Variants in GABRB1 observed in about 807,000 individuals in gnomAD.
GABRB1 encodes the protein gamma-aminobutyric acid type A receptor subunit beta1.
In GABRB1, 17 loss-of-function variants were observed where a neutral mutation model predicts 51.6. The observed-to-expected ratio is 0.33, with a 90% confidence interval of 0.23 to 0.49. The LOEUF is 0.49. GABRB1 is among the 20% of genes least tolerant of loss of function. The pLI, the probability that GABRB1 is intolerant of heterozygous loss-of-function variation, is 0.99. For synonymous variants in GABRB1, 247 were observed against 218.9 expected, an observed-to-expected ratio of 1.13 and a Z score of -1.14; for missense variants, 410 against 600.6, an observed-to-expected ratio of 0.68 and a Z score of 3.32.
intron 4 of GABRB1, among the ~76,000 whole-genome samples, chr4:47,288,236 C>CTTATTA (rs1723587643): frequency 6.9e-6 from 1 of 145,724 alleles, no homozygotes; most frequent in African/African-American, 2.6e-5. Context: ...GAGAACAGGG[C>CTTATTA]TTATTACTAT....
chr4:47,060,191 A>G (rs1022172207), intron 3 of GABRB1, among the ~76,000 whole-genome samples: 1 of 152,230 alleles, frequency 6.6e-6, no homozygotes, highest in African/African-American at 2.4e-5. Context: ...GATCTCCAAT[A>G]GTGAACTTTC....
intron 4 of GABRB1, among the ~76,000 whole-genome samples, chr4:47,227,488 T>C (rs1720984712): frequency 1.3e-5 from 2 of 151,682 alleles, no homozygotes; most frequent in African/African-American, 4.8e-5. Context: ...TGTGACAGAG[T>C]GAAGGAGGAA....
chr4:47,416,686 A>G (rs545451721), intron 8 of GABRB1, among the ~76,000 whole-genome samples: 1 of 152,234 alleles, frequency 6.6e-6, no homozygotes, highest in Admixed American at 6.5e-5. Context: ...TCCTGACCAC[A>G]GGTGATCAGG....
chr4:47,018,064 TTCC>T (rs977280440), intron 1 of GABRB1, among the ~76,000 whole-genome samples: 3 of 151,940 alleles, frequency 2.0e-5, no homozygotes, highest in South Asian at 2.1e-4. Flanking sequence ...CCTCCTCTTC[TTCC>T]TCCTCCTCCT....
In GABRB1 at chr4:47,334,753, C is replaced by T. The variant is rs192356073; in HGVS notation, c.544+14544C>T. On this transcript the variant is annotated intron_variant, in intron 5 of 8. Transcript: ENST00000295454. The stretch of plus-strand genomic sequence containing the variant: ...TCATTCTGGAGAGCACAAGTTTTCC[C>T]GACTTTATTTAAACTATTCTTGATG... Among the ~76,000 whole-genome samples, 790 of 152,178 alleles carry T rather than the reference C, an allele frequency of 5.2e-3. 6 individuals carry two copies. Among genetic ancestry groups the T allele is most frequent in the South Asian group, 0.017 (81 of 4,822 alleles).
chr4:47,383,206 C>CA (rs1314328690), intron 5 of GABRB1, among the ~76,000 whole-genome samples: 1 of 152,130 alleles, frequency 6.6e-6, no homozygotes, highest in African/African-American at 2.4e-5. Context: ...AGAGAGGATC[C>CA]AAAAACCATG....
intron 1 of GABRB1, among the ~76,000 whole-genome samples, chr4:47,006,047 A>G (rs1443094593): frequency 7.1e-6 from 1 of 141,566 alleles, no homozygotes; most frequent in Non-Finnish European, 1.6e-5. Context: ...CTTTTGTTTT[A>G]TTTTGCTTGG....
chr4:47,026,463 C>A (rs1455278417), intron 1 of GABRB1, among the ~76,000 whole-genome samples: 2 of 151,982 alleles, frequency 1.3e-5, no homozygotes, highest in Non-Finnish European at 2.9e-5. Flanking sequence ...ACAGTAAAAT[C>A]TATTTTACTA....
intron 4 of GABRB1, among the ~76,000 whole-genome samples, chr4:47,168,942 T>C (rs1718320862): frequency 6.6e-6 from 1 of 152,112 alleles, no homozygotes; most frequent in African/African-American, 2.4e-5. Flanking sequence ...CTTCCCTCTA[T>C]GTGTATTTGT....
intron 4 of GABRB1, among the ~76,000 whole-genome samples, chr4:47,172,102 G>C (rs751770437): frequency 6.6e-6 from 1 of 151,560 alleles, no homozygotes; most frequent in Non-Finnish European, 1.5e-5. Flanking sequence ...GTCCTATTTT[G>C]TATCCATGTA....
chr4:47,310,162 A>G (rs891014843), intron 4 of GABRB1, among the ~76,000 whole-genome samples: 33 of 152,222 alleles, frequency 2.2e-4, no homozygotes, highest in African/African-American at 8.0e-4. Flanking sequence ...TTAATAATGT[A>G]AATATTTATC....
chr4:47,370,224 T>G (rs1727139715), intron 5 of GABRB1, among the ~76,000 whole-genome samples: 1 of 152,208 alleles, frequency 6.6e-6, no homozygotes, highest in Admixed American at 6.5e-5. Flanking sequence ...AAGTCTGGCT[T>G]ATGCCTGTAA....
chr4:47,403,509 G>C (rs375412047), intron 6 of GABRB1, 50 bp from the exon 7 acceptor site: 1 of 1,613,126 alleles, frequency 6.2e-7, no homozygotes, highest in Non-Finnish European at 8.5e-7. Context: ...GAAGAAGATG[G>C]TTCCAACCAA....
intron 4 of GABRB1, among the ~76,000 whole-genome samples, chr4:47,272,841 A>ATT (rs1722926599): frequency 6.6e-6 from 1 of 152,162 alleles, no homozygotes; most frequent in African/African-American, 2.4e-5. Flanking sequence ...ATCTCTGTAT[A>ATT]CATTTTATTC....
At chr4:47,400,921 CTTT>C (rs71195629) in intron 5 of GABRB1, among the ~76,000 whole-genome samples, 420 of 98,530 alleles carry the variant, frequency 4.3e-3, no homozygotes, top group Non-Finnish European at 6.3e-3. Flanking sequence ...TTGTTCTTCT[CTTT>C]TTTTTTTTTT....
At chr4:47,276,144 T>G (rs2109900067) in intron 4 of GABRB1, among the ~76,000 whole-genome samples, 1 of 152,260 alleles carries the variant, frequency 6.6e-6, no homozygotes, top group South Asian at 2.1e-4. Flanking sequence ...GGAAGCATAT[T>G]AAATGTATGT....
At chr4:47,024,816 A>G (rs987013030) in intron 1 of GABRB1, among the ~76,000 whole-genome samples, 15 of 151,060 alleles carry the variant, frequency 9.9e-5, no homozygotes, top group Non-Finnish European at 2.2e-4. Context: ...GTGAAAACAT[A>G]TAATGTTTGG....
chr4:47,009,591 AAG>A (rs1370652565), intron 1 of GABRB1, among the ~76,000 whole-genome samples: 1 of 152,210 alleles, frequency 6.6e-6, no homozygotes, highest in Non-Finnish European at 1.5e-5. Context: ...GACCATTGAC[AAG>A]AGGCCTCTGG....
intron 4 of GABRB1, among the ~76,000 whole-genome samples, chr4:47,202,410 T>A (rs146558921): frequency 1.8e-3 from 279 of 152,266 alleles, no homozygotes; most frequent in African/African-American, 6.4e-3. Context: ...TTTACAGCAG[T>A]GTGAAAATGG....
Sources: allele counts gnomAD v4.1 joint callset (sites outside exome capture counted in the v4.1 genomes callset), GRCh38; gene constraint gnomAD v4.1.1; transcripts MANE v1.5; gene names NCBI Gene and HGNC (gene_info 2026-07-23, HGNC 2026-07-21).